Variants in ACVR2A observed in about 807,000 individuals in gnomAD.
ACVR2A encodes activin A receptor type 2A.
ACVR2A carries 7 observed loss-of-function variants against 61.4 expected under a neutral mutation model. That is an observed-to-expected ratio of 0.11 (90% CI 0.06 to 0.21). The LOEUF is 0.21. ACVR2A is among the 10% of genes least tolerant of loss of function. ACVR2A has a pLI of 1.00. For missense variants in ACVR2A, 322 were observed against 621.7 expected (o/e 0.52, Z 5.13); for synonymous variants, 193 against 208.3 (o/e 0.93, Z 0.63).
intron 1 of ACVR2A, among the ~76,000 whole-genome samples, chr2:147,895,275 G>A (rs189226528): frequency 6.6e-6 from 1 of 152,232 alleles, no homozygotes; most frequent in African/African-American, 2.4e-5. Context: ...AGTACATAGT[G>A]CACTACTGTA....
chr2:147,908,300 C>T (rs1249924680), intron 4 of ACVR2A, among the ~76,000 whole-genome samples: 3 of 152,092 alleles, frequency 2.0e-5, no homozygotes, highest in African/African-American at 7.2e-5. Flanking sequence ...TAAGCATCAA[C>T]CCCAAAAAGA....
At chr2:147,906,463 T>C (rs1263827197) in intron 4 of ACVR2A, among the ~76,000 whole-genome samples, 1 of 151,960 alleles carries the variant, frequency 6.6e-6, no homozygotes, top group Non-Finnish European at 1.5e-5. Flanking sequence ...GGGTAAAGAG[T>C]GTAAGAAGTG....
chr2:147,866,205 TG>T (rs1448535087), intron 1 of ACVR2A, among the ~76,000 whole-genome samples: 3 of 152,146 alleles, frequency 2.0e-5, no homozygotes, highest in Non-Finnish European at 4.4e-5. Flanking sequence ...AAGCAGTGTA[TG>T]TAAGGGAATG....
chr2:147,856,701 A>G (rs2105138722), intron 1 of ACVR2A, among the ~76,000 whole-genome samples: 1 of 152,310 alleles, frequency 6.6e-6, no homozygotes, highest in East Asian at 1.9e-4. Flanking sequence ...GATAACATAT[A>G]CAAGACGGAT....
chr2:147,909,669 ACT>A (rs1459387261), intron 4 of ACVR2A, among the ~76,000 whole-genome samples: 1 of 151,884 alleles, frequency 6.6e-6, no homozygotes, highest in Non-Finnish European at 1.5e-5. Context: ...ATGAGGTATC[ACT>A]CTGTCACCCA....
At position 147,910,604 on chromosome 2, in the gene ACVR2A, A is replaced by T. The variant is rs147678082; in HGVS notation, c.529-4587A>T. On this transcript the variant is annotated intron_variant, in intron 4 of 10. Coordinates refer to ENST00000241416, the MANE Select transcript of ACVR2A (RefSeq NM_001616.5). ...TTTTGTCAGTGCTATTGTTCTCTAT[A>T]GAAATATTGGAAACTGGGGAACATA... 8.2e-3 allele frequency among the ~76,000 whole-genome samples: 1,246 copies of T among 152,290 alleles called. 9 individuals carry two copies. The highest frequency in any genetic ancestry group is 0.024 in the Middle Eastern group (7 of 292).
chr2:147,851,433 G>A (rs1325332269), intron 1 of ACVR2A, among the ~76,000 whole-genome samples: 1 of 152,098 alleles, frequency 6.6e-6, no homozygotes, highest in East Asian at 1.9e-4. Flanking sequence ...AGAGTGGTTT[G>A]AATATTAAAT....
At chr2:147,844,974 T>C (rs12474653), upstream of ACVR2A, 58 of 438,490 alleles carry the variant, frequency 1.3e-4, no homozygotes, top group African/African-American at 1.3e-3. Flanking sequence ...CTCTTTTTTT[T>C]CTTTTTTTTT....
chr2:147,895,693 A>G (rs1394018684), intron 1 of ACVR2A, among the ~76,000 whole-genome samples: 1 of 152,096 alleles, frequency 6.6e-6, no homozygotes, highest in Non-Finnish European at 1.5e-5. Flanking sequence ...CTGTAAATGT[A>G]TTTTCTGTTC....
chr2:147,856,569 G>GCTGTATATAAC (rs1685578371), intron 1 of ACVR2A, among the ~76,000 whole-genome samples: 1 of 152,066 alleles, frequency 6.6e-6, no homozygotes, highest in Non-Finnish European at 1.5e-5. Context: ...AATACAGTTT[G>GCTGTATATAAC]CTAATTAATT....
chr2:147,918,378 A>G, intron 6 of ACVR2A, 69 bp from the exon 7 acceptor site: 1 of 1,385,186 alleles, frequency 7.2e-7, no homozygotes, highest in Admixed American at 2.5e-5. Context: ...TATAGGTAAA[A>G]AGAAAAGTCT....
chr2:147,924,661 T>C (rs16828031), intron 9 of ACVR2A, among the ~76,000 whole-genome samples: 1,925 of 152,038 alleles, frequency 0.013, 48 homozygotes, highest in African/African-American at 0.044. Context: ...GAGAGGATAG[T>C]GTGAGCATTG....
chr2:147,859,202 A>G (rs1260875098), intron 1 of ACVR2A, among the ~76,000 whole-genome samples: 1 of 152,088 alleles, frequency 6.6e-6, no homozygotes, highest in South Asian at 2.1e-4. Context: ...TAGATTTAGT[A>G]TTCCTTCTTG....
chr2:147,899,958 T>C, intron 4 of ACVR2A, 60 bp downstream of exon 4: 1 of 1,536,678 alleles, frequency 6.5e-7, no homozygotes. Context: ...GAAATATTAC[T>C]GTGGTGAAAC....
intron 7 of ACVR2A, 103 bp from the exon 8 acceptor site, chr2:147,920,127 C>CT (rs1687344759): frequency 1.4e-6 from 1 of 716,030 alleles, no homozygotes; most frequent in Non-Finnish European, 2.3e-6. Context: ...TTTTAAGTAA[C>CT]TATTTTTTCA....
chr2:147,923,652 CAG>C (rs1687438024), intron 9 of ACVR2A, among the ~76,000 whole-genome samples: 1 of 151,992 alleles, frequency 6.6e-6, no homozygotes, highest in Non-Finnish European at 1.5e-5. Context: ...TCCAGTGTGA[CAG>C]AACTATTTTA....
rs568701621 is a variant in ACVR2A at position 147,852,794 on chromosome 2, A to G, written c.55+7587A>G. Among the ~76,000 whole-genome samples the G allele has an allele frequency of 2.0e-5, 3 of 152,238 alleles. No homozygotes were observed. The East Asian group carries it at 5.8e-4, about 29-fold the overall frequency. On this transcript the variant is annotated intron_variant, in intron 1 of 10. Coordinates refer to ENST00000241416, the MANE Select transcript of ACVR2A (RefSeq NM_001616.5). ...GATGTTAATATGAAGGAAAAGACAC[A>G]AAATAGCATCAGGAACACAATAGCC...
Position 147,922,982 on chromosome 2 carries a change from C to T in ACVR2A, c.1087C>T (p.Arg363Trp), listed in dbSNP as rs760336455. The T allele has an allele frequency of 9.3e-6, 15 of 1,607,944 alleles. No homozygotes were observed. Among genetic ancestry groups the T allele is most frequent in the East Asian group, 4.5e-5 (2 of 44,840 alleles). Residue 363 changes from arginine to tryptophan, a missense_variant, in exon 9 of 11, where the codon CGG (arginine) becomes TGG (tryptophan). Around this residue, in one of 3 missense-constraint regions of ACVR2A, gnomAD observed 146 missense variants for 383.8 expected, o/e 0.38. Transcript: ENST00000241416. ...TTAACATCTTTTTCAGGTTGGTACCCGGAGGTACATGGCTCCAGAGGTATT... is the reference window on the plus strand; with the variant it reads ...TTAACATCTTTTTCAGGTTGGTACCTGGAGGTACATGGCTCCAGAGGTATT... ...AGDTHGQVGT[R>W]RYMAPEVLEG... is the part of the protein sequence containing the mutation.
chr2:147,848,350 G>A (rs1053484675), intron 1 of ACVR2A, among the ~76,000 whole-genome samples: 1 of 151,914 alleles, frequency 6.6e-6, no homozygotes, highest in Non-Finnish European at 1.5e-5. Flanking sequence ...GCTGGGGTGA[G>A]TCCCCCTCCC....
Sources: allele counts gnomAD v4.1 joint callset (sites outside exome capture counted in the v4.1 genomes callset), GRCh38; gene constraint gnomAD v4.1.1; regional missense constraint gnomAD v4.1.1; transcripts MANE v1.5; gene names NCBI Gene and HGNC (gene_info 2026-07-23, HGNC 2026-07-21).